The following MEIS2 variants were observed in gnomAD, a reference collection of about 807,000 sequenced individuals.
The protein encoded by MEIS2 is homeobox protein Meis2.
MEIS2 carries 9 observed loss-of-function variants against 58.6 expected under a neutral mutation model. That is an observed-to-expected ratio of 0.15 (90% confidence interval 0.09 to 0.27). The LOEUF is 0.27. Among genes scored for constraint, MEIS2 ranks in the 10% least tolerant of loss-of-function variants. The pLI, the probability that MEIS2 is intolerant of heterozygous loss-of-function variation, is 1.00. For missense variants in MEIS2, 427 were observed against 635.0 expected, an observed-to-expected ratio of 0.67 and a Z score of 3.52; for synonymous variants, 221 against 228.4, an observed-to-expected ratio of 0.97 and a Z score of 0.29.
At chr15:36,971,320 T>G (rs1489068617) in intron 8 of MEIS2, among the ~76,000 whole-genome samples, 1 of 151,912 alleles carries the variant, frequency 6.6e-6, no homozygotes, top group Non-Finnish European at 1.5e-5. Flanking sequence ...AGTCAATGTC[T>G]AAGAAATGCT....
intron 6 of MEIS2, among the ~76,000 whole-genome samples, chr15:37,084,260 C>T (rs563112149): frequency 6.6e-6 from 1 of 152,154 alleles, no homozygotes; most frequent in East Asian, 1.9e-4. Context: ...AATTAGGGTA[C>T]ATTCTACTAA....
intron 9 of MEIS2, among the ~76,000 whole-genome samples, chr15:36,931,019 AT>A (rs535552033): frequency 6.6e-6 from 1 of 152,050 alleles, no homozygotes; most frequent in Non-Finnish European, 1.5e-5. Context: ...AAGTTTCCAC[AT>A]TTTTTTCTGT....
intron 10 of MEIS2, among the ~76,000 whole-genome samples, chr15:36,896,065 T>C (rs150786430): frequency 4.2e-4 from 64 of 152,324 alleles, no homozygotes; most frequent in African/African-American, 1.4e-3. Context: ...AAAACTGTTT[T>C]AGAGAAATTG....
intron 6 of MEIS2, 108 bp downstream of exon 6, chr15:37,093,473 G>A: frequency 7.6e-7 from 1 of 1,315,370 alleles, no homozygotes; most frequent in Non-Finnish European, 1.0e-6. Context: ...AAAAGAGACG[G>A]AGTCATTTAA....
In MEIS2 at chr15:37,083,892, T is replaced by C; in HGVS notation, c.640-7A>G. 6.2e-7 allele frequency: 1 copy of C among 1,611,876 alleles called. No homozygotes were observed. The highest frequency in any genetic ancestry group is 8.5e-7 in the Non-Finnish European group (1 of 1,178,822). ...CTCGCCAAGAAGAAGGGTTCTGATG[T>C]CAGGATACCAAGGAATTTTTCCACA... On this transcript the variant is annotated splice_region_variant and splice_polypyrimidine_tract_variant and intron_variant, in intron 6 of 11. Coordinates refer to ENST00000561208, the MANE Select transcript of MEIS2 (RefSeq NM_170675.5).
chr15:36,984,635 C>A (rs753759038), intron 8 of MEIS2, among the ~76,000 whole-genome samples: 2 of 152,080 alleles, frequency 1.3e-5, no homozygotes. Flanking sequence ...CCTTCTCTTC[C>A]ATTTTTTGCA....
Position 37,095,069 on chromosome 15 carries a change from T to A in MEIS2, c.439-492A>T, listed in dbSNP as rs1001084742. 114 of 168,520 alleles carry A rather than the reference T, an allele frequency of 6.8e-4. 1 individual carries two copies. The highest frequency in any genetic ancestry group is 3.0e-3 in the Middle Eastern group (1 of 330). 10.4% of individuals were successfully genotyped at this position (168,520 alleles called of 1,614,324 possible). Reference sequence around the variant, plus strand: ...AAGATGAATGCTGAGGCAGGGCCTTTGAAAGCGGATTTAAGTACTTTTAAT... The same window carrying A: ...AAGATGAATGCTGAGGCAGGGCCTTAGAAAGCGGATTTAAGTACTTTTAAT... On this transcript the variant is annotated intron_variant, in intron 4 of 11. Coordinates refer to ENST00000561208, the MANE Select transcript of MEIS2 (RefSeq NM_170675.5).
intron 8 of MEIS2, among the ~76,000 whole-genome samples, chr15:36,976,587 G>A (rs2059768282): frequency 6.6e-6 from 1 of 151,456 alleles, no homozygotes; most frequent in Admixed American, 6.6e-5. Context: ...GACAGAGACT[G>A]AAGGCACAGG....
chr15:36,966,143 A>T (rs2059348826), intron 8 of MEIS2, among the ~76,000 whole-genome samples: 1 of 152,114 alleles, frequency 6.6e-6, no homozygotes, highest in Non-Finnish European at 1.5e-5. Flanking sequence ...ATTCATTTTG[A>T]GGAGGGCTAA....
At chr15:37,035,781 G>A (rs1208688168) in intron 8 of MEIS2, among the ~76,000 whole-genome samples, 1 of 152,174 alleles carries the variant, frequency 6.6e-6, no homozygotes, top group Non-Finnish European at 1.5e-5. Context: ...AGCTCTGCAA[G>A]AAGAGCCCAT....
chr15:37,048,615 T>C (rs1487894276), intron 7 of MEIS2, among the ~76,000 whole-genome samples: 1 of 152,090 alleles, frequency 6.6e-6, no homozygotes, highest in African/African-American at 2.4e-5. Context: ...CTTTGCCAAC[T>C]ATTGTAAAAT....
chr15:37,040,597 C>G (rs941614839), intron 7 of MEIS2, among the ~76,000 whole-genome samples: 2 of 152,300 alleles, frequency 1.3e-5, no homozygotes, highest in East Asian at 1.9e-4. Flanking sequence ...ATTGCCACCT[C>G]TGATGATGAA....
intron 9 of MEIS2, among the ~76,000 whole-genome samples, chr15:36,935,149 A>G (rs185256360): frequency 6.7e-6 from 1 of 150,068 alleles, no homozygotes; most frequent in East Asian, 2.0e-4. Flanking sequence ...GTTTTCAGTT[A>G]GTATTATCTT....
At chr15:37,037,017 T>G in intron 7 of MEIS2, 58 bp from the exon 8 acceptor site, 1 of 1,516,652 alleles carries the variant, frequency 6.6e-7, no homozygotes, top group African/African-American at 1.4e-5. Context: ...CAACAACAAG[T>G]GCAGCTAATG....
Position 36,914,766 on chromosome 15 carries a change from T to G in MEIS2, c.978-18080A>C, listed in dbSNP as rs562308095. Among the ~76,000 whole-genome samples the G allele has an allele frequency of 8.5e-4, 129 of 151,994 alleles. 1 individual carries two copies. The highest frequency in any genetic ancestry group is 2.9e-3 in the African/African-American group (121 of 41,452). On this transcript the variant is annotated intron_variant, in intron 9 of 11. Coordinates refer to ENST00000561208, the MANE Select transcript of MEIS2 (RefSeq NM_170675.5). The stretch of plus-strand genomic sequence containing the variant: ...CAGAGTCATAAGAAACCTTAACCTC[T>G]ATTTTTTTTTTCCAACTTTCCTCAA...
chr15:37,099,567 A>G lies in MEIS2; in HGVS notation c.-101T>C. 2 of 1,525,564 alleles carry G rather than the reference A, an allele frequency of 1.3e-6. No homozygotes were observed. The highest frequency in any genetic ancestry group is 1.8e-6 in the Non-Finnish European group (2 of 1,120,348). 94.5% of individuals were successfully genotyped at this position (1,525,564 alleles called of 1,614,324 possible). ...TGAAGATTCCTTTTTTTTTTTTCCAAACCAAAGAGACTTCTCCCAATTCTC... is the reference window on the plus strand; with the variant it reads ...TGAAGATTCCTTTTTTTTTTTTCCAGACCAAAGAGACTTCTCCCAATTCTC... On this transcript the variant is annotated 5_prime_UTR_variant, in exon 1 of 12. Coordinates refer to ENST00000561208, the MANE Select transcript of MEIS2 (RefSeq NM_170675.5).
At chr15:37,039,416 CT>C (rs1004698383) in intron 7 of MEIS2, among the ~76,000 whole-genome samples, 2 of 152,146 alleles carry the variant, frequency 1.3e-5, no homozygotes, top group Admixed American at 6.5e-5. Context: ...TCTCATTTAG[CT>C]TTTTTTGATA....
At chr15:37,044,854 C>T (rs1288713949) in intron 7 of MEIS2, among the ~76,000 whole-genome samples, 1 of 152,022 alleles carries the variant, frequency 6.6e-6, no homozygotes, top group Admixed American at 6.6e-5. Flanking sequence ...TTTCTGATTC[C>T]CAAGCCCTGA....
chr15:37,031,362 T>A (rs1006580209), intron 8 of MEIS2, among the ~76,000 whole-genome samples: 1 of 152,062 alleles, frequency 6.6e-6, no homozygotes, highest in South Asian at 2.1e-4. Context: ...GGCAAAATAG[T>A]CTAAGTCTCT....
Sources: allele counts gnomAD v4.1 joint callset (sites outside exome capture counted in the v4.1 genomes callset), GRCh38; gene constraint gnomAD v4.1.1; transcripts MANE v1.5; gene names NCBI Gene and HGNC (gene_info 2026-07-23, HGNC 2026-07-21).